The following ZFPM2 variants were observed in gnomAD, a reference collection of about 807,000 sequenced individuals.
The protein encoded by ZFPM2 is zinc finger protein ZFPM2.
ZFPM2 carries 20 observed loss-of-function variants against 98.6 expected under a neutral mutation model. The ratio of observed to expected loss-of-function variants is 0.20; its 90% CI spans 0.14 to 0.29. ZFPM2 has a LOEUF of 0.29. Ranked by LOEUF, ZFPM2 falls within the 10% of genes least tolerant of loss-of-function variation. ZFPM2 has a pLI of 1.00. For synonymous variants in ZFPM2, 518 were observed against 502.7 expected, an observed-to-expected ratio of 1.03 and a Z score of -0.41; for missense variants, 1,310 against 1,388.6, an observed-to-expected ratio of 0.94 and a Z score of 0.90.
intron 4 of ZFPM2, among the ~76,000 whole-genome samples, chr8:105,619,597 A>G (rs898742692): frequency 6.6e-5 from 10 of 152,136 alleles, no homozygotes; most frequent in African/African-American, 2.2e-4. Context: ...GGTTTGTTAC[A>G]TAGGTATATA....
intron 1 of ZFPM2, among the ~76,000 whole-genome samples, chr8:105,330,583 T>TAC (rs1283288066): frequency 2.4e-5 from 1 of 42,268 alleles, no homozygotes; most frequent in Non-Finnish European, 4.4e-5. Flanking sequence ...TATATATACA[T>TAC]ATATATATAT....
chr8:105,623,005 T>C (rs1377737186), intron 4 of ZFPM2, among the ~76,000 whole-genome samples: 1 of 152,180 alleles, frequency 6.6e-6, no homozygotes, highest in Non-Finnish European at 1.5e-5. Flanking sequence ...ACTGAAAATA[T>C]ACCTGATATT....
chr8:105,584,591 T>C (rs943096671), intron 4 of ZFPM2, among the ~76,000 whole-genome samples: 1 of 152,224 alleles, frequency 6.6e-6, no homozygotes, highest in Non-Finnish European at 1.5e-5. Flanking sequence ...TCATTTATTC[T>C]TGTAGAATAA....
In ZFPM2 at chr8:105,526,172, T is replaced by C. The variant is rs142497184; in HGVS notation, c.302-35191T>C. Among the ~76,000 whole-genome samples, 1,051 of 152,270 alleles carry C rather than the reference T, an allele frequency of 6.9e-3. 4 individuals are homozygous for C. The highest frequency in any genetic ancestry group is 9.2e-3 in the Non-Finnish European group (625 of 68,002). ...CATTGTAGCTTTTTAGGGATAATTT[T>C]TTTCCCCCTTTCTCTTGAAAATATT... On this transcript the variant is annotated intron_variant, in intron 3 of 7. Coordinates refer to ENST00000407775, the MANE Select transcript of ZFPM2 (RefSeq NM_012082.4).
intron 5 of ZFPM2, among the ~76,000 whole-genome samples, chr8:105,659,783 C>A (rs2038509130): frequency 1.3e-5 from 2 of 152,084 alleles, no homozygotes; most frequent in South Asian, 4.1e-4. Context: ...ATAATAATTT[C>A]TGTAATAGTT....
chr8:105,336,344 A>T (rs1288099366), intron 1 of ZFPM2, among the ~76,000 whole-genome samples: 1 of 151,718 alleles, frequency 6.6e-6, no homozygotes, highest in Admixed American at 6.6e-5. Context: ...GCACTGATAA[A>T]CTTTTCTAGA....
intron 1 of ZFPM2, chr8:105,387,622 C>T: frequency 6.6e-6 from 1 of 152,454 alleles, no homozygotes; most frequent in Non-Finnish European, 1.5e-5. Context: ...CCGGAACTGG[C>T]ACTGACCCGC....
intron 3 of ZFPM2, among the ~76,000 whole-genome samples, chr8:105,529,318 G>A (rs1475347002): frequency 6.6e-6 from 1 of 152,038 alleles, no homozygotes; most frequent in Non-Finnish European, 1.5e-5. Flanking sequence ...GGTACTGGGG[G>A]TTAGGATTTC....
intron 5 of ZFPM2, among the ~76,000 whole-genome samples, chr8:105,722,470 C>T (rs1303184323): frequency 6.6e-6 from 1 of 151,884 alleles, no homozygotes; most frequent in Non-Finnish European, 1.5e-5. Flanking sequence ...TCCCTAAAAA[C>T]TTAACTACTG....
intron 3 of ZFPM2, among the ~76,000 whole-genome samples, chr8:105,494,183 G>GTATATA (rs61035457): frequency 0.029 from 1,736 of 59,860 alleles, 128 homozygotes; most frequent in Middle Eastern, 0.041. Flanking sequence ...GCCACCAAAA[G>GTATATA]TATATATATA....
intron 3 of ZFPM2, among the ~76,000 whole-genome samples, chr8:105,491,543 C>T (rs1414125171): frequency 1.3e-5 from 2 of 152,120 alleles, no homozygotes; most frequent in Non-Finnish European, 2.9e-5. Flanking sequence ...CAATGTTGGC[C>T]TCATCTTTTT....
At chr8:105,683,222 G>A (rs1162519713) in intron 5 of ZFPM2, among the ~76,000 whole-genome samples, 1 of 152,068 alleles carries the variant, frequency 6.6e-6, no homozygotes, top group Admixed American at 6.6e-5. Flanking sequence ...TCAGGTCATA[G>A]CAAGCACCTG....
At chr8:105,336,333 T>C (rs747207340) in intron 1 of ZFPM2, among the ~76,000 whole-genome samples, 50 of 151,848 alleles carry the variant, frequency 3.3e-4, no homozygotes, top group Non-Finnish European at 5.5e-4. Flanking sequence ...GCACCAGGTA[T>C]GCACTGATAA....
chr8:105,679,990 G>A (rs1810565203), intron 5 of ZFPM2, among the ~76,000 whole-genome samples: 1 of 152,022 alleles, frequency 6.6e-6, no homozygotes, highest in South Asian at 2.1e-4. Flanking sequence ...GTTTGCATAA[G>A]GTAAATTACA....
chr8:105,529,073 T>C (rs1814236223), intron 3 of ZFPM2: 1 of 152,224 alleles, frequency 6.6e-6, no homozygotes, highest in Non-Finnish European at 1.5e-5. Flanking sequence ...TTCTGGAGGC[T>C]AGAAGTCTGA....
At chr8:105,656,972 T>C (rs1270907688) in intron 5 of ZFPM2, among the ~76,000 whole-genome samples, 2 of 152,188 alleles carry the variant, frequency 1.3e-5, no homozygotes, top group Non-Finnish European at 2.9e-5. Flanking sequence ...CATGCTTTGG[T>C]TTCTCTCTTC....
intron 3 of ZFPM2, among the ~76,000 whole-genome samples, chr8:105,488,704 T>C (rs2130421517): frequency 6.6e-6 from 1 of 152,082 alleles, no homozygotes; most frequent in East Asian, 1.9e-4. Context: ...GCGGAGGTTG[T>C]GGTGAGCCGA....
At chr8:105,479,587 T>C (rs1813078301) in intron 3 of ZFPM2, among the ~76,000 whole-genome samples, 3 of 152,184 alleles carry the variant, frequency 2.0e-5, no homozygotes, top group South Asian at 4.1e-4. Flanking sequence ...AATACTACCA[T>C]TTTTGAAGAA....
intron 5 of ZFPM2, among the ~76,000 whole-genome samples, chr8:105,656,021 C>G (rs1817277891): frequency 6.6e-6 from 1 of 152,038 alleles, no homozygotes; most frequent in South Asian, 2.1e-4. Context: ...CTGATACATG[C>G]CTGGCAATTT....
Sources: allele counts gnomAD v4.1 joint callset (sites outside exome capture counted in the v4.1 genomes callset), GRCh38; gene constraint gnomAD v4.1.1; transcripts MANE v1.5; gene names NCBI Gene and HGNC (gene_info 2026-07-23, HGNC 2026-07-21).